Variants in QTMAN observed in about 807,000 individuals in gnomAD.
QTMAN encodes tRNA-queuosine alpha-mannosyltransferase.
the QTMAN span, among the ~76,000 whole-genome samples, chr2:144,191,665 G>A: frequency 6.6e-6 from 1 of 152,108 alleles, no homozygotes; most frequent in South Asian, 2.1e-4. Context: ...TGGTAAGAAA[G>A]ACAAAGTCTC....
the QTMAN span, among the ~76,000 whole-genome samples, chr2:144,078,707 TAAC>T: frequency 2.6e-5 from 4 of 152,296 alleles, no homozygotes; most frequent in African/African-American, 9.6e-5. Flanking sequence ...ATTTTCATAC[TAAC>T]AACATATAGT....
the QTMAN span, among the ~76,000 whole-genome samples, chr2:144,302,093 C>G: frequency 6.6e-6 from 1 of 152,152 alleles, no homozygotes; most frequent in East Asian, 1.9e-4. Flanking sequence ...GGCCACCACA[C>G]ATCCAAGTGC....
the QTMAN span, among the ~76,000 whole-genome samples, chr2:144,067,944 C>T: frequency 6.6e-6 from 1 of 152,328 alleles, no homozygotes; most frequent in East Asian, 1.9e-4. Context: ...TAAGTCAGCA[C>T]ATTTTGGCCT....
chr2:144,289,029 CTTTTTTT>C, the QTMAN span, among the ~76,000 whole-genome samples: 91 of 115,978 alleles, frequency 7.8e-4, no homozygotes, highest in East Asian at 0.014. Flanking sequence ...CAAGAAAATT[CTTTTTTT>C]TTTTTTTTTT....
At chr2:144,259,239 G>A in the QTMAN span, among the ~76,000 whole-genome samples, 1 of 152,134 alleles carries the variant, frequency 6.6e-6, no homozygotes. Context: ...GCTCACTGCA[G>A]CCTCTACCTC....
chr2:144,221,367 T>C, the QTMAN span, among the ~76,000 whole-genome samples: 1 of 152,208 alleles, frequency 6.6e-6, no homozygotes, highest in African/African-American at 2.4e-5. Context: ...GATCTCATGA[T>C]TAAATGATTA....
chr2:144,121,172 T>A, the QTMAN span, among the ~76,000 whole-genome samples: 1 of 151,962 alleles, frequency 6.6e-6, no homozygotes, highest in East Asian at 1.9e-4. Context: ...GGGGCTTACA[T>A]ACAGAGGGGA....
chr2:144,276,075 T>G, the QTMAN span, among the ~76,000 whole-genome samples: 1 of 152,206 alleles, frequency 6.6e-6, no homozygotes, highest in Non-Finnish European at 1.5e-5. Context: ...TTTTTGTGTA[T>G]GTCCCCAAGG....
the QTMAN span, among the ~76,000 whole-genome samples, chr2:144,129,563 GC>G: frequency 1.3e-5 from 2 of 151,874 alleles, no homozygotes; most frequent in African/African-American, 4.8e-5. Context: ...GGAACAACAG[GC>G]AAGAAAATAT....
At chr2:144,011,015 A>T in the QTMAN span, among the ~76,000 whole-genome samples, 5 of 152,164 alleles carry the variant, frequency 3.3e-5, no homozygotes, top group East Asian at 9.7e-4. Flanking sequence ...ACCAATAAAT[A>T]ATATAGATAA....
chr2:144,280,471 T>G, the QTMAN span, among the ~76,000 whole-genome samples: 2 of 152,150 alleles, frequency 1.3e-5, no homozygotes, highest in Admixed American at 6.5e-5. Context: ...TGCAGGATTT[T>G]GGGGGTTTTT....
chr2:144,218,754 CAGT>C, the QTMAN span, among the ~76,000 whole-genome samples: 1 of 151,896 alleles, frequency 6.6e-6, no homozygotes. Flanking sequence ...ATTTGAAGTA[CAGT>C]AACACAAGCA....
the QTMAN span, among the ~76,000 whole-genome samples, chr2:144,289,450 T>C: frequency 1.3e-5 from 2 of 152,306 alleles, no homozygotes; most frequent in South Asian, 4.1e-4. Flanking sequence ...AAGCTCAAAG[T>C]GTAGAACATG....
chr2:144,013,171 A>G, the QTMAN span, among the ~76,000 whole-genome samples: 1 of 152,174 alleles, frequency 6.6e-6, no homozygotes, highest in Non-Finnish European at 1.5e-5. Flanking sequence ...AGTACATGTT[A>G]CTATATATTA....
At chr2:144,157,420 G>T in the QTMAN span, among the ~76,000 whole-genome samples, 1 of 152,038 alleles carries the variant, frequency 6.6e-6, no homozygotes, top group African/African-American at 2.4e-5. Flanking sequence ...CCATGGAATG[G>T]AGGCTTCCCT....
chr2:144,235,730 A>T, the QTMAN span: 1 of 152,606 alleles, frequency 6.6e-6, no homozygotes, highest in Non-Finnish European at 1.5e-5. Flanking sequence ...TGGCTAATGC[A>T]GAGATACCTG....
At chr2:143,973,653 G>A in the QTMAN span, among the ~76,000 whole-genome samples, 1 of 152,064 alleles carries the variant, frequency 6.6e-6, no homozygotes, top group African/African-American at 2.4e-5. Context: ...GCCGGGCATG[G>A]TGGCGCACGC....
chr2:143,957,923 G>A, the QTMAN span, among the ~76,000 whole-genome samples: 1,555 of 152,164 alleles, frequency 0.01, 19 homozygotes, highest in African/African-American at 0.036. Context: ...ACAATGCCAC[G>A]GGAGGTCTTC....
the QTMAN span, among the ~76,000 whole-genome samples, chr2:144,298,820 C>T: frequency 6.6e-6 from 1 of 152,210 alleles, no homozygotes; most frequent in Non-Finnish European, 1.5e-5. Flanking sequence ...CTAATTCTTC[C>T]TCTCTTGGGG....
Sources: gnomAD v4.1 joint callset for allele counts (sites outside exome capture counted in the v4.1 genomes callset) on GRCh38, gnomAD v4.1.1 for gene constraint, MANE v1.5 for transcripts, NCBI Gene and HGNC (gene_info 2026-07-23, HGNC 2026-07-21) for gene names.